The following CCDC88C variants were observed in gnomAD, a reference collection of about 807,000 sequenced individuals.
CCDC88C encodes coiled-coil and HOOK domain protein 88C.
In CCDC88C, 131 loss-of-function variants were observed where a neutral mutation model predicts 198.8. The observed-to-expected ratio is 0.66, with a 90% confidence interval of 0.57 to 0.76. The LOEUF is 0.76. Among genes scored for constraint, CCDC88C ranks in the 30% least tolerant of loss-of-function variants. The pLI, the probability that CCDC88C is intolerant of heterozygous loss-of-function variation, is 0.00. For synonymous variants in CCDC88C, 1,166 were observed against 1,114.7 expected, an observed-to-expected ratio of 1.05 and a Z score of -0.92; for missense variants, 2,553 against 2,631.6, an observed-to-expected ratio of 0.97 and a Z score of 0.65.
At chr14:91,320,362 A>G (rs544003317) in intron 13 of CCDC88C, among the ~76,000 whole-genome samples, 10 of 152,364 alleles carry the variant, frequency 6.6e-5, no homozygotes, top group Admixed American at 1.3e-4. Context: ...TTGGTCAAAA[A>G]GTGTCCAGGT....
intron 14 of CCDC88C, among the ~76,000 whole-genome samples, chr14:91,314,762 G>A (rs960046282): frequency 6.6e-6 from 1 of 152,180 alleles, no homozygotes; most frequent in African/African-American, 2.4e-5. Flanking sequence ...TCTGGGCAGG[G>A]CCCTGTCCGT....
rs751169246 is a variant in CCDC88C at position 91,309,974 on chromosome 14, C to T, written c.2749G>A (p.Glu917Lys). 3 of 1,598,576 alleles carry T rather than the reference C, an allele frequency of 1.9e-6. No homozygotes were observed. Among genetic ancestry groups the T allele is most frequent in the African/African-American group, 1.3e-5 (1 of 74,588 alleles). The change falls in exon 16 of 30, where the codon GAG becomes AAG. Residue 917 changes from glutamate (E) to lysine (K), a missense_variant. This residue lies in a region of CCDC88C where 1,260 missense variants were observed against 1,412.0 expected (regional missense o/e 0.89). Coordinates refer to ENST00000389857, the MANE Select transcript of CCDC88C (RefSeq NM_001080414.4). Reference protein sequence around the residue: ...LTTLREDLVLEKLKSQQLSSE... With the variant: ...LTTLREDLVLKKLKSQQLSSE... Reference sequence around the variant, plus strand: ...CTGAGCTGCTGGCTCTTCAGCTTCTCGAGCACCAGGTCCTGGAATGATGGG... The same window carrying T: ...CTGAGCTGCTGGCTCTTCAGCTTCTTGAGCACCAGGTCCTGGAATGATGGG...
chr14:91,342,591 C>T (rs947888182), intron 5 of CCDC88C, 128 bp from the exon 6 acceptor site: 21 of 692,640 alleles, frequency 3.0e-5, no homozygotes, highest in East Asian at 5.5e-5. Context: ...TAACTAAGAA[C>T]GCTCTTGTCC....
chr14:91,350,163 CTT>C (rs761445863), intron 4 of CCDC88C, among the ~76,000 whole-genome samples: 9 of 144,248 alleles, frequency 6.2e-5, no homozygotes, highest in Non-Finnish European at 1.1e-4. Flanking sequence ...TCAGAAGACA[CTT>C]TTTTTTTTTT....
intron 3 of CCDC88C, among the ~76,000 whole-genome samples, chr14:91,362,898 A>T (rs779722877): frequency 1.5e-4 from 23 of 151,960 alleles, no homozygotes; most frequent in Non-Finnish European, 3.2e-4. Flanking sequence ...CACTGCACTC[A>T]AGCCTGGGTG....
Position 91,297,247 on chromosome 14 carries a change from G to T in CCDC88C, c.3966+58C>A, listed in dbSNP as rs972079756. The T allele has an allele frequency of 4.5e-6, 7 of 1,548,234 alleles. No homozygotes were observed. The African/African-American group carries it at 6.8e-5, about 15-fold the overall frequency. ...CCCTCACAGCTTGGCTGAGCCCTGG[G>T]CTGTCCCCTTGGGGGACTCATCCCT... On this transcript the variant is annotated intron_variant, in intron 22 of 29. Coordinates refer to ENST00000389857, the MANE Select transcript of CCDC88C (RefSeq NM_001080414.4).
In CCDC88C at chr14:91,408,506, C is replaced by T. The variant is rs530895977; in HGVS notation, c.270+153G>A. 11 of 641,612 alleles carry T rather than the reference C, an allele frequency of 1.7e-5. No homozygotes were observed. In the East Asian group the frequency reaches 2.8e-4, roughly 16 times the overall value. 39.7% of individuals were successfully genotyped at this position (641,612 alleles called of 1,614,324 possible). A position where few individuals can be genotyped will look rare whatever the true frequency, so the allele number is the denominator to read the frequency against. ...GCACCATCTCATCCTCACACATGCCCCAACAAAGGGTTCACATGAAAGCAG... is the reference window on the plus strand; with the variant it reads ...GCACCATCTCATCCTCACACATGCCTCAACAAAGGGTTCACATGAAAGCAG... On this transcript the variant is annotated intron_variant, in intron 3 of 29. Coordinates refer to ENST00000389857, the MANE Select transcript of CCDC88C (RefSeq NM_001080414.4).
intron 10 of CCDC88C, among the ~76,000 whole-genome samples, chr14:91,329,748 C>G (rs1892735856): frequency 6.6e-6 from 1 of 152,246 alleles, no homozygotes; most frequent in African/African-American, 2.4e-5. Context: ...ACCTGCAGGG[C>G]CACCATGAGG....
intron 6 of CCDC88C, among the ~76,000 whole-genome samples, chr14:91,341,046 G>T (rs1334292270): frequency 6.6e-6 from 1 of 152,090 alleles, no homozygotes; most frequent in Non-Finnish European, 1.5e-5. Flanking sequence ...AAAATAAAAA[G>T]CAGACAGAAC....
chr14:91,364,040 G>C (rs1005439021), intron 3 of CCDC88C, among the ~76,000 whole-genome samples: 1 of 152,280 alleles, frequency 6.6e-6, no homozygotes, highest in Admixed American at 6.5e-5. Context: ...GCTCTGGACA[G>C]GCCCCCACAT....
intron 4 of CCDC88C, among the ~76,000 whole-genome samples, chr14:91,345,190 A>ATATATATTTTT (rs1246878587): frequency 7.7e-5 from 4 of 52,204 alleles, no homozygotes; most frequent in Non-Finnish European, 3.4e-5. Flanking sequence ...ATATATATAT[A>ATATATATTTTT]TTTTTTTTTT....
chr14:91,340,145 T>C (rs1257592012), intron 6 of CCDC88C, 121 bp from the exon 7 acceptor site: 3 of 1,389,236 alleles, frequency 2.2e-6, no homozygotes, highest in African/African-American at 1.4e-5. Flanking sequence ...AAATTTACGG[T>C]GGCCAGCAAA....
chr14:91,394,268 G>T (rs1332766026), intron 3 of CCDC88C, among the ~76,000 whole-genome samples: 2 of 152,176 alleles, frequency 1.3e-5, no homozygotes, highest in Admixed American at 1.3e-4. Context: ...CTACAGGTCT[G>T]CGTGAAAACA....
rs1884778456 is a variant in CCDC88C at position 91,381,333 on chromosome 14, T to C, written c.271-21622A>G. Among the ~76,000 whole-genome samples, 1 of 152,316 alleles carries C rather than the reference T, an allele frequency of 6.6e-6. No individual in the cohort carries two copies. The highest frequency in any genetic ancestry group is 1.9e-4 in the East Asian group (1 of 5,180). ...GTGCACAGGGTACTGGGGACACAGA[T>C]GTGACCAACCAGCCCGCAAACTTGG... On this transcript the variant is annotated intron_variant, in intron 3 of 29. Transcript: ENST00000389857. The surrounding 1 kb of genome is among the most constrained non-coding windows in gnomAD (Gnocchi z 4.2).
At chr14:91,318,089 A>G (rs1435843555) in intron 13 of CCDC88C, among the ~76,000 whole-genome samples, 1 of 152,214 alleles carries the variant, frequency 6.6e-6, no homozygotes, top group East Asian at 1.9e-4. Flanking sequence ...CCACTTATGA[A>G]GACATTTCCC....
intron 3 of CCDC88C, among the ~76,000 whole-genome samples, chr14:91,389,198 A>T (rs1439618570): frequency 6.6e-6 from 1 of 152,192 alleles, no homozygotes; most frequent in Non-Finnish European, 1.5e-5. Context: ...GGGGTAGTTT[A>T]CAAACCAGGG....
At chr14:91,410,858 G>A (rs1177495692) in intron 2 of CCDC88C, among the ~76,000 whole-genome samples, 1 of 152,048 alleles carries the variant, frequency 6.6e-6, no homozygotes, top group Non-Finnish European at 1.5e-5. Flanking sequence ...GAAGTCAGAC[G>A]GGACCACCCC....
chr14:91,281,293 C>CT (rs775995527), intron 27 of CCDC88C, 164 bp downstream of exon 27: 103 of 1,516,490 alleles, frequency 6.8e-5, no homozygotes, highest in Non-Finnish European at 9.1e-5. Flanking sequence ...TAAGTAGAAG[C>CT]TACACGCTCA....
rs745376078 is a variant in CCDC88C at position 91,307,124 on chromosome 14, C to G, written c.3109G>C (p.Gly1037Arg). 5 of 1,613,980 alleles carry G rather than the reference C, an allele frequency of 3.1e-6. No homozygotes were observed. The South Asian group carries it at 5.5e-5, about 18-fold the overall frequency. The change falls in exon 18 of 30, where the codon GGG becomes CGG. Residue 1037 changes from glycine to arginine, a missense_variant. Gly to Arg is a moderately radical substitution (Grantham distance 125). Coordinates refer to ENST00000389857, the MANE Select transcript of CCDC88C (RefSeq NM_001080414.4). Reference protein sequence around the residue: ...PAGKTAASHQGKEAWGPGHKE... With the variant: ...PAGKTAASHQRKEAWGPGHKE... Reference sequence around the variant, plus strand: ...TGGCCGGGCCCCCAGGCCTCCTTCCCCTGGTGACTGGCGGCTGTCTTCCCC... The same window carrying G: ...TGGCCGGGCCCCCAGGCCTCCTTCCGCTGGTGACTGGCGGCTGTCTTCCCC...
Sources: allele counts gnomAD v4.1 joint callset (sites outside exome capture counted in the v4.1 genomes callset), GRCh38; gene constraint gnomAD v4.1.1; regional missense constraint gnomAD v4.1.1; non-coding constraint Gnocchi (gnomAD v3.1); transcripts MANE v1.5; gene names NCBI Gene and HGNC (gene_info 2026-07-23, HGNC 2026-07-21).